CACNA1F: variants seen among roughly 807,000 people sequenced by gnomAD.
CACNA1F encodes calcium voltage-gated channel subunit alpha1 F, also known as voltage-dependent L-type calcium channel subunit alpha-1F.
In CACNA1F, 59 loss-of-function variants were observed where a neutral mutation model predicts 143.8. That is an observed-to-expected ratio of 0.41 (90% CI 0.33 to 0.51). The LOEUF is 0.51. Among genes scored for constraint, CACNA1F ranks in the 20% least tolerant of loss-of-function variants. The probability of loss-of-function intolerance (pLI) is 0.22; values close to 1 mark genes in which losing one functional copy is unlikely to be tolerated. For synonymous variants in CACNA1F, 643 were observed against 649.1 expected, an observed-to-expected ratio of 0.99 and a Z score of 0.14; for missense variants, 1,411 against 1,647.5, an observed-to-expected ratio of 0.86 and a Z score of 2.48.
Position 49,226,340 on chromosome X carries a change from G to A in CACNA1F, c.1463+69C>T, listed in dbSNP as rs2065823659. ...TCAAGGACTGAGATCGAGGCTTGAGGCTAAAGAAAGGACTTGAGTCAGGGT... is the reference window on the plus strand; with the variant it reads ...TCAAGGACTGAGATCGAGGCTTGAGACTAAAGAAAGGACTTGAGTCAGGGT... On this transcript the variant is annotated intron_variant, in intron 11 of 47. Transcript: ENST00000323022. 3 of 1,133,304 alleles carry A rather than the reference G, an allele frequency of 2.6e-6. No individual in the cohort carries two copies. The South Asian group carries it at 5.6e-5, about 21-fold the overall frequency. 93.4% of individuals were successfully genotyped at this position (1,133,304 alleles called of 1,213,427 possible).
At chrX:49,226,120 G>T in intron 12 of CACNA1F, 51 bp from the exon 13 acceptor site, 4 of 1,157,593 alleles carry the variant, frequency 3.5e-6, no homozygotes, top group Non-Finnish European at 4.7e-6. Flanking sequence ...AGCCTGCCCT[G>T]GGGGGCTCAG....
At position 49,205,440 on chromosome X, in the gene CACNA1F, G is replaced by A. The variant is rs1331784748; in HGVS notation, c.5671-73C>T. ...AGAAGGTTCAGTGTGGATAAATGAC[G>A]TGCCCATGAGGGCATGTAGGGAAGT... On this transcript the variant is annotated intron_variant, in intron 47 of 47. Coordinates refer to ENST00000323022, the MANE Select transcript of CACNA1F (RefSeq NM_001256789.3). The A allele has an allele frequency of 1.6e-5, 14 of 879,970 alleles. No individual in the cohort carries two copies. In the African/African-American group the frequency reaches 2.2e-4, roughly 14 times the overall value. 72.5% of individuals were successfully genotyped at this position (879,970 alleles called of 1,213,427 possible).
Position 49,209,682 on chromosome X carries a change from C to G in CACNA1F, c.4768G>C (p.Glu1590Gln). The G allele has an allele frequency of 8.3e-7, 1 of 1,211,058 alleles. No homozygotes were observed. The highest frequency in any genetic ancestry group is 1.8e-5 in the South Asian group (1 of 56,828). The stretch of plus-strand genomic sequence containing the variant: ...GCGTCGTTGCCTAGTAGCCCTTTTT[C>G]TTTCCTCCGCCGGAATTTGCGGAAA... The part of the protein sequence containing the change: ...DYFRKFRRRK[E>Q]KGLLGNDAAP... Residue 1590 changes from glutamate (E) to glutamine (Q), a missense_variant, in exon 41 of 48, where the codon GAA becomes CAA. Glu to Gln is a conservative substitution (Grantham distance 29). This residue lies in a region of CACNA1F where 349 missense variants were observed against 350.2 expected (regional missense o/e 1.00). Coordinates refer to ENST00000323022, the MANE Select transcript of CACNA1F (RefSeq NM_001256789.3).
At position 49,216,544 on chromosome X, in the gene CACNA1F, C is replaced by A. The variant is rs1167215957; in HGVS notation, c.3090-16G>T. 1.8e-5 allele frequency: 22 copies of A among 1,195,210 alleles called. No individual in the cohort carries two copies. Among genetic ancestry groups the A allele is most frequent in the Non-Finnish European group, 2.5e-5 (22 of 886,247 alleles). On this transcript the variant is annotated splice_polypyrimidine_tract_variant and intron_variant, in intron 26 of 47. Transcript: ENST00000323022. ...GAAGGAGCCCCTGTGGATGTGCAAACAGGTTAGATGGGTGAGGAGGGGTGA... is the reference window on the plus strand; with the variant it reads ...GAAGGAGCCCCTGTGGATGTGCAAAAAGGTTAGATGGGTGAGGAGGGGTGA...
rs371986294 is a variant in CACNA1F, at chrX:49,215,265, T to C, written c.3439-21A>G. 4.1e-6 allele frequency: 5 copies of C among 1,207,885 alleles called. No homozygotes were observed. In the African/African-American group the frequency reaches 5.3e-5, roughly 13 times the overall value. ...TGACGCTGCATACCAGGGCAGGGCA[T>C]GAGTGAGCAGTGGGGTCCTGAGGCA... On this transcript the variant is annotated intron_variant, in intron 28 of 47. Transcript: ENST00000323022.
intron 12 of CACNA1F, 25 bp downstream of exon 12, chrX:49,226,192 G>A (rs1557109852): frequency 8.4e-7 from 1 of 1,193,418 alleles, no homozygotes; most frequent in East Asian, 3.0e-5. Context: ...TGGAGTCAAG[G>A]ATTTGCACAA....
At chrX:49,209,239 GGA>G in intron 42 of CACNA1F, 21 bp downstream of exon 42, 1 of 1,204,119 alleles carries the variant, frequency 8.3e-7, no homozygotes, top group East Asian at 3.0e-5. Context: ...CAAGTTCCTG[GGA>G]GAGTGAAAAC....
Position 49,209,622 on chromosome X carries a change from CG to C in CACNA1F, c.4821+6del. 1 of 1,211,281 alleles carries C rather than the reference CG, an allele frequency of 8.3e-7. No individual in the cohort carries two copies. The highest frequency in any genetic ancestry group is 1.8e-5 in the South Asian group (1 of 56,805). On this transcript the variant is annotated splice_donor_region_variant and intron_variant, in intron 41 of 47. Coordinates refer to ENST00000323022, the MANE Select transcript of CACNA1F (RefSeq NM_001256789.3). Reference sequence around the variant, plus strand: ...TGCCCATCCACACTAGGCCCTGCCCCGAAGACCTGAAGGGCGGAAGAGGTGC... The same window carrying C: ...TGCCCATCCACACTAGGCCCTGCCCCAAGACCTGAAGGGCGGAAGAGGTGC...
At position 49,212,325 on chromosome X, in the gene CACNA1F, G is replaced by C. The variant is rs1557106440; in HGVS notation, c.3943-17C>G. The C allele has an allele frequency of 8.7e-7, 1 of 1,150,378 alleles. No homozygotes were observed. The highest frequency in any genetic ancestry group is 2.2e-5 in the Admixed American group (1 of 45,790). 94.8% of individuals were successfully genotyped at this position (1,150,378 alleles called of 1,213,427 possible). A position where few individuals can be genotyped will look rare whatever the true frequency, so the allele number is the denominator to read the frequency against. On this transcript the variant is annotated splice_polypyrimidine_tract_variant and intron_variant, in intron 33 of 47. Transcript: ENST00000323022. ...GGGCAAGGCCTATAGGGATGGGGGA[G>C]GGGGGCAGAGAATAGATGCACAGGC... is the stretch of plus-strand genomic sequence containing the variant.
chrX:49,229,396 A>T (rs1328895298), intron 6 of CACNA1F, among the ~76,000 whole-genome samples: 1 of 112,077 alleles, frequency 8.9e-6, no homozygotes, highest in Non-Finnish European at 1.9e-5. Flanking sequence ...ACCTCAAGTG[A>T]TCCATCTGCC....
intron 42 of CACNA1F, 54 bp from the exon 43 acceptor site, chrX:49,208,738 G>A: frequency 1.8e-6 from 2 of 1,101,683 alleles, no homozygotes; most frequent in South Asian, 3.7e-5. Flanking sequence ...TAAGTCATTT[G>A]GTCATATAAC....
In CACNA1F at chrX:49,209,770, G is replaced by A. The variant is rs782196653; in HGVS notation, c.4691-11C>T. 41 of 1,210,760 alleles carry A rather than the reference G, an allele frequency of 3.4e-5. No homozygotes were observed. The highest frequency in any genetic ancestry group is 4.2e-5 in the Non-Finnish European group (38 of 894,746). On this transcript the variant is annotated splice_polypyrimidine_tract_variant and intron_variant, in intron 40 of 47. Coordinates refer to ENST00000323022, the MANE Select transcript of CACNA1F (RefSeq NM_001256789.3). ...CGGTGACCTCCTCCTCTAGGGGCAA[G>A]GGAGAGAAGGCAAGATCACACAGGG...
Position 49,209,707 on chromosome X carries a change from A to G in CACNA1F, c.4743T>C (p.Tyr1581=). ...KFYATFLIQD[Y]FRKFRRRKEK... is the part of the protein sequence containing the mutation. ...CTTTCCTCCGCCGGAATTTGCGGAA[A>G]TAGTCCTGGATCAGAAATGTGGCGT... Residue 1581 remains tyrosine, a synonymous_variant, in exon 41 of 48, where the codon TAT becomes TAC. Transcript: ENST00000323022. 8.3e-7 allele frequency: 1 copy of G among 1,211,265 alleles called. No homozygotes were observed. The highest frequency in any genetic ancestry group is 1.1e-6 in the Non-Finnish European group (1 of 895,136).
At position 49,210,636 on chromosome X, in the gene CACNA1F, G is replaced by A. The variant is rs1557106008; in HGVS notation, c.4439C>T (p.Pro1480Leu). The change falls in exon 38 of 48, where the codon CCC becomes CTC. Residue 1480 changes from proline to leucine, a missense_variant. Around this residue, in one of 3 missense-constraint regions of CACNA1F, gnomAD observed 112 missense variants for 169.2 expected, o/e 0.66. Transcript: ENST00000323022. ...GCACAGCTTCCCAAATCCCAGAGGG[G>A]GCTGGATACGTCTCAGCAGGGCAAC... The part of the protein sequence containing the change: ...DVVALLRRIQ[P>L]PLGFGKLCPH... 5 of 1,211,023 alleles carry A rather than the reference G, an allele frequency of 4.1e-6. No homozygotes were observed. Among genetic ancestry groups the A allele is most frequent in the Non-Finnish European group, 5.6e-6 (5 of 895,135 alleles).
Position 49,214,266 on chromosome X carries a change from A to T in CACNA1F, c.3601T>A (p.Tyr1201Asn), listed in dbSNP as rs1557106922. ...TAGTTGAAGGGAGCAGTCTGCTCATAGTGCTGCAGGAGAAAATCAGGTTGA... is the reference window on the plus strand; with the variant it reads ...TAGTTGAAGGGAGCAGTCTGCTCATTGTGCTGCAGGAGAAAATCAGGTTGA... The part of the protein sequence containing the change: ...LNTVALAMQH[Y>N]EQTAPFNYAM... The change falls in exon 30 of 48, where the codon TAT (tyrosine) becomes AAT (asparagine). Residue 1201 changes from tyrosine to asparagine, a missense_variant. Transcript: ENST00000323022. 2 of 1,133,706 alleles carry T rather than the reference A, an allele frequency of 1.8e-6. No homozygotes were observed. Among genetic ancestry groups the T allele is most frequent in the Non-Finnish European group, 2.4e-6 (2 of 823,851 alleles). 93.4% of individuals were successfully genotyped at this position (1,133,706 alleles called of 1,213,427 possible). A position where few individuals can be genotyped will look rare whatever the true frequency, so the allele number is the denominator to read the frequency against.
In CACNA1F at chrX:49,215,103, C is replaced by T. The variant is rs1194433622; in HGVS notation, c.3580G>A (p.Val1194Ile). ...TCTCAGACCTGCATGGCTAGGGCAA[C>T]TGTGTTGAGCAGGATGAGCAGGAAC... ...LMFLLILLNT[V>I]ALAMQHYEQT... Residue 1194 changes from valine (V) to isoleucine (I), a missense_variant, in exon 29 of 48, where the codon GTT becomes ATT. This residue lies in a region of CACNA1F where 950 missense variants were observed against 1,128.1 expected (regional missense o/e 0.84). Coordinates refer to ENST00000323022, the MANE Select transcript of CACNA1F (RefSeq NM_001256789.3). The T allele has an allele frequency of 8.3e-7, 1 of 1,210,908 alleles. No homozygotes were observed. Among genetic ancestry groups the T allele is most frequent in the East Asian group, 3.0e-5 (1 of 33,852 alleles).
At chrX:49,223,184 C>G in intron 14 of CACNA1F, 48 bp from the exon 15 acceptor site, 1 of 893,889 alleles carries the variant, frequency 1.1e-6, no homozygotes, top group Non-Finnish European at 1.6e-6. Flanking sequence ...GTCCACTGGA[C>G]ATGGCTGGAG....
chrX:49,226,374 G>T, intron 11 of CACNA1F, 35 bp downstream of exon 11: 1 of 1,156,091 alleles, frequency 8.6e-7, no homozygotes, highest in Non-Finnish European at 1.2e-6. Flanking sequence ...GTTTGGACTG[G>T]CTTCTGGGCT....
chrX:49,215,163 C>T lies in CACNA1F; in HGVS notation c.3520G>A (p.Ala1174Thr). Residue 1174 changes from alanine to threonine, a missense_variant, in exon 29 of 48, where the codon GCC (alanine) becomes ACC (threonine). Ala to Thr is a moderately conservative substitution (Grantham distance 58). Transcript: ENST00000323022. ...PKNPHQYRVW[A>T]TVNSAAFEYL... Reference sequence around the variant, plus strand: ...TCAAAGGCAGCAGAGTTCACAGTGGCCCACACACGATACTGATGCGGGTTC... The same window carrying T: ...TCAAAGGCAGCAGAGTTCACAGTGGTCCACACACGATACTGATGCGGGTTC... 8.3e-7 allele frequency: 1 copy of T among 1,209,722 alleles called. No homozygotes were observed. The highest frequency in any genetic ancestry group is 1.1e-6 in the Non-Finnish European group (1 of 893,931).
Sources: gnomAD v4.1 joint callset for allele counts (sites outside exome capture counted in the v4.1 genomes callset) on GRCh38, gnomAD v4.1.1 for gene constraint, gnomAD v4.1.1 regional missense constraint, MANE v1.5 for transcripts, NCBI Gene and HGNC (gene_info 2026-07-23, HGNC 2026-07-21) for gene names.